MARF1: variants seen among roughly 807,000 people sequenced by gnomAD.
The protein encoded by MARF1 is limkain-b1.
MARF1 carries 24 observed loss-of-function variants against 168.2 expected under a neutral mutation model. That is an observed-to-expected ratio of 0.14 (90% CI 0.10 to 0.20). The LOEUF (loss-of-function observed/expected upper bound fraction) is 0.20. Ranked by LOEUF, MARF1 falls within the 10% of genes least tolerant of loss-of-function variation. The pLI is 1.00. For synonymous variants in MARF1, 868 were observed against 822.4 expected (o/e 1.06, Z -0.95); for missense variants, 1,744 against 2,143.6 (o/e 0.81, Z 3.68).
chr16:15,609,266 AAAG>A (rs1465903750), intron 20 of MARF1, among the ~76,000 whole-genome samples: 3 of 152,186 alleles, frequency 2.0e-5, no homozygotes, highest in African/African-American at 7.2e-5. Context: ...CAAACAAAAA[AAAG>A]AAAACCTACT....
chr16:15,600,035 T>C (rs2032245515), intron 25 of MARF1, among the ~76,000 whole-genome samples: 1 of 152,204 alleles, frequency 6.6e-6, no homozygotes, highest in African/African-American at 2.4e-5. Flanking sequence ...AGAATCCTCT[T>C]AGTAATTTTC....
At chr16:15,642,040 C>G (rs993199853) in intron 1 of MARF1, among the ~76,000 whole-genome samples, 6 of 152,212 alleles carry the variant, frequency 3.9e-5, no homozygotes, top group African/African-American at 1.2e-4. Flanking sequence ...GGACAACTCA[C>G]AACCTCTCTG....
rs765226009 is a variant in MARF1, at chr16:15,625,065, T to C, written c.2062A>G (p.Thr688Ala). The C allele has an allele frequency of 1.9e-6, 3 of 1,614,064 alleles. No homozygotes were observed. The African/African-American group carries it at 4.0e-5, about 22-fold the overall frequency. ...THGNSSAAVS[T>A]PKNSGVAEPV... is the part of the protein sequence containing the mutation. ...TCTGCCACCCCCGAGTTTTTCGGCG[T>C]CGACACTGCAGCACTTGAGTTACCG... is the stretch of plus-strand genomic sequence containing the variant. The change falls in exon 9 of 27, where the codon ACG becomes GCG. Residue 688 changes from threonine (T) to alanine (A), a missense_variant. Coordinates refer to ENST00000396368, the MANE Select transcript of MARF1 (RefSeq NM_014647.4).
At chr16:15,639,046 T>C (rs1263745438) in intron 2 of MARF1, 44 bp downstream of exon 2, 2 of 1,579,356 alleles carry the variant, frequency 1.3e-6, no homozygotes, top group African/African-American at 2.7e-5. Flanking sequence ...TCTCATCTAT[T>C]TGGATGAGGA....
chr16:15,599,175 A>AAAAAAAAAAAC, intron 25 of MARF1, 151 bp from the exon 26 acceptor site: 1 of 728,840 alleles, frequency 1.4e-6, no homozygotes, highest in Non-Finnish European at 2.2e-6. Flanking sequence ...AAAAAAAAAA[A>AAAAAAAAAAAC]CAAAAACCCA....
At chr16:15,641,379 T>G (rs1012618711) in intron 1 of MARF1, among the ~76,000 whole-genome samples, 6 of 152,210 alleles carry the variant, frequency 3.9e-5, no homozygotes, top group Admixed American at 2.0e-4. Flanking sequence ...ACAGGTTTTA[T>G]GTCCCCCAAA....
At chr16:15,631,021 T>C (rs956658085) in intron 6 of MARF1, among the ~76,000 whole-genome samples, 1 of 152,014 alleles carries the variant, frequency 6.6e-6, no homozygotes, top group African/African-American at 2.4e-5. Context: ...TCCTAGCTAC[T>C]TGGGAGGCTG....
At chr16:15,632,179 T>C in intron 5 of MARF1, among the ~76,000 whole-genome samples, 1 of 152,204 alleles carries the variant, frequency 6.6e-6, no homozygotes, top group East Asian at 1.9e-4. Flanking sequence ...TTCATCCTCC[T>C]TTCAGAAAAT....
chr16:15,610,865 G>T, intron 19 of MARF1, 110 bp downstream of exon 19: 1 of 1,038,110 alleles, frequency 9.6e-7, no homozygotes, highest in Non-Finnish European at 1.4e-6. Context: ...GCTTTCTGTG[G>T]AATCTTCAGG....
intron 11 of MARF1, among the ~76,000 whole-genome samples, chr16:15,622,352 C>T (rs148519604): frequency 2.7e-4 from 41 of 151,726 alleles, no homozygotes; most frequent in African/African-American, 9.4e-4. Context: ...GCAGGAAGAG[C>T]TAACTGAAAT....
At chr16:15,614,670 G>C (rs1357261854) in intron 16 of MARF1, among the ~76,000 whole-genome samples, 1 of 151,562 alleles carries the variant, frequency 6.6e-6, no homozygotes, top group Non-Finnish European at 1.5e-5. Flanking sequence ...GCGGGCGCCT[G>C]TAGTCCCAGC....
chr16:15,640,694 T>C (rs903167146), intron 1 of MARF1, among the ~76,000 whole-genome samples: 1 of 152,208 alleles, frequency 6.6e-6, no homozygotes, highest in African/African-American at 2.4e-5. Context: ...AGACCCTGTC[T>C]CAAAAACCAA....
At chr16:15,602,345 T>C (rs1413320209) in intron 22 of MARF1, 142 bp from the exon 23 acceptor site, 1 of 657,708 alleles carries the variant, frequency 1.5e-6, no homozygotes, top group Non-Finnish European at 2.6e-6. Flanking sequence ...GATGAGAAGA[T>C]GAAGATGAAG....
intron 1 of MARF1, among the ~76,000 whole-genome samples, chr16:15,642,256 CTTATT>C (rs994031448): frequency 6.6e-5 from 10 of 152,134 alleles, no homozygotes; most frequent in African/African-American, 2.2e-4. Context: ...GCCTTTTTAG[CTTATT>C]TTATTATCTT....
At chr16:15,606,542 C>T (rs2033028617) in intron 21 of MARF1, among the ~76,000 whole-genome samples, 1 of 151,948 alleles carries the variant, frequency 6.6e-6, no homozygotes, top group African/African-American at 2.4e-5. Context: ...CCTGCCTCTC[C>T]TCTCTCTCTC....
At chr16:15,607,545 A>G (rs1389032420) in intron 21 of MARF1, among the ~76,000 whole-genome samples, 1 of 152,102 alleles carries the variant, frequency 6.6e-6, no homozygotes, top group African/African-American at 2.4e-5. Flanking sequence ...CAAGACTCCA[A>G]CTCCAAAAAA....
intron 19 of MARF1, 31 bp from the exon 20 acceptor site, chr16:15,609,756 C>G: frequency 6.3e-7 from 1 of 1,581,024 alleles, no homozygotes; most frequent in Non-Finnish European, 8.7e-7. Flanking sequence ...CATAAAATCA[C>G]AGTTTTTTTC....
chr16:15,635,441 A>T (rs2035523648), intron 3 of MARF1: 1 of 556,084 alleles, frequency 1.8e-6, no homozygotes, highest in Non-Finnish European at 3.1e-6. Context: ...AAAAGTATAA[A>T]CTACAAAAAT....
At chr16:15,610,684 A>G in intron 19 of MARF1, 1 of 276,710 alleles carries the variant, frequency 3.6e-6, no homozygotes, top group Non-Finnish European at 6.9e-6. Context: ...CTGGATGACT[A>G]AGGCTCATGT....
Sources: gnomAD v4.1 joint callset for allele counts (sites outside exome capture counted in the v4.1 genomes callset) on GRCh38, gnomAD v4.1.1 for gene constraint, MANE v1.5 for transcripts, NCBI Gene and HGNC (gene_info 2026-07-23, HGNC 2026-07-21) for gene names.